The following PLCG2 variants were observed in gnomAD, a reference collection of about 807,000 sequenced individuals.
PLCG2 encodes the protein phospholipase C gamma 2.
Under a neutral mutation model 175.6 loss-of-function variants are expected in PLCG2, and 69 were observed. The observed-to-expected ratio is 0.39, with a 90% CI of 0.32 to 0.48. The LOEUF is 0.48. PLCG2 is among the 20% of genes least tolerant of loss of function. The pLI is 0.91. For synonymous variants in PLCG2, 827 were observed against 624.0 expected (o/e 1.33, Z -4.85); for missense variants, 1,798 against 1,650.9 (o/e 1.09, Z -1.54).
At chr16:81,921,714 TG>T (rs1325609165) in intron 21 of PLCG2, 1 of 248,702 alleles carries the variant, frequency 4.0e-6, no homozygotes, top group Non-Finnish European at 7.9e-6. Flanking sequence ...GGCTCCTCCT[TG>T]CCATGCTTTC....
chr16:81,754,384 C>A (rs1597303611), intron 1 of PLCG2, among the ~76,000 whole-genome samples: 1 of 53,646 alleles, frequency 1.9e-5, no homozygotes, highest in Non-Finnish European at 3.6e-5. Context: ...CTCCCCACCC[C>A]TCCCCACCTC....
intron 7 of PLCG2, among the ~76,000 whole-genome samples, chr16:81,878,639 C>T (rs886141522): frequency 1.3e-5 from 2 of 152,172 alleles, no homozygotes; most frequent in African/African-American, 4.8e-5. Context: ...ATCCCTGCCT[C>T]CTAGAGCACT....
chr16:81,776,975 G>A (rs1006376905), upstream of PLCG2, among the ~76,000 whole-genome samples: 2 of 152,098 alleles, frequency 1.3e-5, no homozygotes, highest in African/African-American at 4.8e-5. Flanking sequence ...TTGGGCTAGG[G>A]GTTGGTTAGC....
At chr16:81,760,883 A>C (rs1224187609) in intron 2 of PLCG2, among the ~76,000 whole-genome samples, 1 of 152,040 alleles carries the variant, frequency 6.6e-6, no homozygotes, top group Non-Finnish European at 1.5e-5. Context: ...TGTGCAATAT[A>C]GTGAGATCCC....
chr16:81,953,361 T>A (rs181774070), intron 31 of PLCG2, among the ~76,000 whole-genome samples: 1 of 152,346 alleles, frequency 6.6e-6, no homozygotes, highest in East Asian at 1.9e-4. Flanking sequence ...ATGTTAACAC[T>A]GTGGAGTCTA....
At chr16:81,855,395 T>C (rs1184718038) in intron 3 of PLCG2, among the ~76,000 whole-genome samples, 1 of 152,160 alleles carries the variant, frequency 6.6e-6, no homozygotes, top group African/African-American at 2.4e-5. Flanking sequence ...CTTAGAAGTA[T>C]ATGTATATTA....
At chr16:81,827,198 T>C (rs1167242526) in intron 2 of PLCG2, among the ~76,000 whole-genome samples, 1 of 151,560 alleles carries the variant, frequency 6.6e-6, no homozygotes, top group South Asian at 2.1e-4. Flanking sequence ...GGGTTTTTTT[T>C]TTTTTGGGGA....
chr16:81,878,727 C>T (rs758436049), intron 7 of PLCG2, among the ~76,000 whole-genome samples: 2 of 152,156 alleles, frequency 1.3e-5, no homozygotes, highest in African/African-American at 4.8e-5. Flanking sequence ...CTTGTCCACT[C>T]AGCAGCACGT....
rs1907250337 is a variant in PLCG2, at chr16:81,866,613, T to G, written c.480-2601T>G. Among the ~76,000 whole-genome samples, 2 of 100,376 alleles carry G rather than the reference T, an allele frequency of 2.0e-5. 1 individual carries two copies. The highest frequency in any genetic ancestry group is 8.3e-4 in the South Asian group (2 of 2,414). 65.9% of individuals were successfully genotyped at this position (100,376 alleles called of 152,430 possible). A position where few individuals can be genotyped will look rare whatever the true frequency, so the allele number is the denominator to read the frequency against. ...GATGAGCTCCACTGGGGCACTAGCA[T>G]GAGAGGATGCTGGCCTCTCCCTTGC... On this transcript the variant is annotated intron_variant, in intron 5 of 32. Coordinates refer to ENST00000564138, the MANE Select transcript of PLCG2 (RefSeq NM_002661.5).
chr16:81,799,644 G>C (rs1290144510), intron 2 of PLCG2, among the ~76,000 whole-genome samples: 1 of 147,918 alleles, frequency 6.8e-6, no homozygotes, highest in Non-Finnish European at 1.5e-5. Context: ...TATTGCCCAG[G>C]TGCAATGGCA....
intron 9 of PLCG2, among the ~76,000 whole-genome samples, chr16:81,887,503 G>A (rs1265139959): frequency 6.6e-6 from 1 of 152,206 alleles, no homozygotes; most frequent in African/African-American, 2.4e-5. Context: ...AAATGAGCTT[G>A]TAGTTTCCCA....
chr16:81,835,924 C>G (rs72832056), intron 2 of PLCG2, among the ~76,000 whole-genome samples: 1 of 152,086 alleles, frequency 6.6e-6, no homozygotes, highest in Non-Finnish European at 1.5e-5. Context: ...TTCCCTCTTA[C>G]AAGGACAGTA....
intron 2 of PLCG2, among the ~76,000 whole-genome samples, chr16:81,851,042 T>A (rs1906381337): frequency 1.3e-5 from 2 of 152,198 alleles, no homozygotes; most frequent in Non-Finnish European, 2.9e-5. Context: ...AAGTCCTCAG[T>A]GGGGTGTGAC....
rs769959186 is a variant in PLCG2, at chr16:81,785,950, A to T, written c.-40A>T. ...TTAATTCTGCCCTTTCAGCTTCCTG[A>T]TTTCTCCCGATTCCTTCCTTCTCCC... On this transcript the variant is annotated 5_prime_UTR_variant, in exon 2 of 33. Transcript: ENST00000564138. The T allele has an allele frequency of 1.3e-6, 2 of 1,582,438 alleles. No homozygotes were observed. The highest frequency in any genetic ancestry group is 3.5e-5 in the Admixed American group (2 of 57,576).
At chr16:81,949,992 A>ACTGT (rs1911303256) in intron 31 of PLCG2, among the ~76,000 whole-genome samples, 1 of 152,202 alleles carries the variant, frequency 6.6e-6, no homozygotes, top group Admixed American at 6.5e-5. Flanking sequence ...GAGGGTAACC[A>ACTGT]CTGTCAGAAT....
rs112113666 is a variant in PLCG2 at position 81,834,591 on chromosome 16, A to AGCTGCTGCTGCTGCTGCTGCT, written c.194-19851_194-19831dup. On this transcript the variant is annotated intron_variant, in intron 2 of 32. Transcript: ENST00000564138. ...TGGTTGATAGACCCTGGATCTGCAG[A>AGCTGCTGCTGCTGCTGCTGCT]GCTGCTGCTGCTGCTGCTGCTGTTG... is the stretch of plus-strand genomic sequence containing the variant. Among the ~76,000 whole-genome samples, 1,208 of 151,352 alleles carry AGCTGCTGCTGCTGCTGCTGCT rather than the reference A, an allele frequency of 8.0e-3. 16 individuals are homozygous for AGCTGCTGCTGCTGCTGCTGCT. The highest frequency in any genetic ancestry group is 0.027 in the African/African-American group (1,109 of 41,302).
At chr16:81,921,864 C>T (rs1208051334) in intron 21 of PLCG2, among the ~76,000 whole-genome samples, 2 of 152,202 alleles carry the variant, frequency 1.3e-5, no homozygotes, top group African/African-American at 4.8e-5. Context: ...CCAGAGATGA[C>T]TTTCTTTTTC....
At chr16:81,829,627 C>T (rs1020441887) in intron 2 of PLCG2, among the ~76,000 whole-genome samples, 12 of 152,254 alleles carry the variant, frequency 7.9e-5, no homozygotes, top group African/African-American at 2.4e-4. Context: ...AGTTTCTCCT[C>T]GTATGTTCTC....
chr16:81,767,715 C>T (rs1910184898), intron 2 of PLCG2: 1 of 151,934 alleles, frequency 6.6e-6, no homozygotes, highest in South Asian at 2.1e-4. Context: ...AAATATAAAA[C>T]AATTTCCTCA....
Sources: allele counts gnomAD v4.1 joint callset (sites outside exome capture counted in the v4.1 genomes callset), GRCh38; gene constraint gnomAD v4.1.1; transcripts MANE v1.5; gene names NCBI Gene and HGNC (gene_info 2026-07-23, HGNC 2026-07-21).